BIRC6: variants seen among roughly 807,000 people sequenced by gnomAD.
BIRC6 encodes baculoviral IAP repeat containing 6.
Under a neutral mutation model 503.3 loss-of-function variants are expected in BIRC6, and 98 were observed. That is an observed-to-expected ratio of 0.19 (90% CI 0.17 to 0.23). BIRC6 has a LOEUF of 0.23. Among genes scored for constraint, BIRC6 ranks in the 10% least tolerant of loss-of-function variants. The pLI is 1.00. For missense variants in BIRC6, 5,360 were observed against 5,806.0 expected, an observed-to-expected ratio of 0.92 and a Z score of 2.50; for synonymous variants, 2,240 against 2,078.7, an observed-to-expected ratio of 1.08 and a Z score of -2.11.
chr2:32,569,250 A>G (rs961614025), intron 65 of BIRC6, among the ~76,000 whole-genome samples: 2 of 152,074 alleles, frequency 1.3e-5, no homozygotes, highest in African/African-American at 4.8e-5. Flanking sequence ...CAGCCTCCCA[A>G]AGTGCCGAGA....
chr2:32,504,034 T>TGTGTGTGTGTG (rs2053513911), intron 49 of BIRC6, among the ~76,000 whole-genome samples: 1 of 78,228 alleles, frequency 1.3e-5, no homozygotes, highest in African/African-American at 5.3e-5. Context: ...GGGGGGGTGT[T>TGTGTGTGTGTG]TGTGTGTGTG....
chr2:32,493,859 T>G (rs1327462240), intron 45 of BIRC6, among the ~76,000 whole-genome samples, 192 bp downstream of exon 45: 1 of 152,202 alleles, frequency 6.6e-6, no homozygotes, highest in African/African-American at 2.4e-5. Flanking sequence ...TTTTCTCAAG[T>G]CCTTATACCT....
intron 8 of BIRC6, 99 bp from the exon 9 acceptor site, chr2:32,406,400 A>G: frequency 1.1e-6 from 1 of 885,442 alleles, no homozygotes; most frequent in Admixed American, 2.3e-5. Context: ...CCCTGTCTCA[A>G]AAAAACCCAC....
intron 50 of BIRC6, among the ~76,000 whole-genome samples, chr2:32,506,194 A>C: frequency 6.6e-6 from 1 of 152,122 alleles, no homozygotes; most frequent in Non-Finnish European, 1.5e-5. Context: ...TATAGTTATA[A>C]TTTTGCCAGA....
rs370651928 is a variant in BIRC6 at position 32,442,070 on chromosome 2, A to G, written c.3950A>G (p.Gln1317Arg). The G allele has an allele frequency of 2.5e-6, 4 of 1,571,992 alleles. No homozygotes were observed. Among genetic ancestry groups the G allele is most frequent in the Non-Finnish European group, 3.4e-6 (4 of 1,164,988 alleles). Residue 1317 changes from glutamine (Q) to arginine (R), a missense_variant, in exon 18 of 74, where the codon CAA becomes CGA. By Grantham distance (43) the Gln-to-Arg change is conservative. Around this residue, in one of 16 missense-constraint regions of BIRC6, gnomAD observed 2,299 missense variants for 2,267.2 expected, o/e 1.01. Coordinates refer to ENST00000421745, the MANE Select transcript of BIRC6 (RefSeq NM_016252.4). ...KKTSISKERV[Q>R]RCAMLQFSEF... is the part of the protein sequence containing the mutation. ...TATATTTTCTTTTTTTGTAGAGTGC[A>G]ACGATGTGCCATGTTACAGTTTTCA...
At chr2:32,394,813 G>A (rs1402646589) in intron 5 of BIRC6, among the ~76,000 whole-genome samples, 1 of 152,050 alleles carries the variant, frequency 6.6e-6, no homozygotes, top group African/African-American at 2.4e-5. Flanking sequence ...CTGAGACTCT[G>A]TCTCTTTAAA....
intron 17 of BIRC6, 81 bp from the exon 18 acceptor site, chr2:32,441,984 C>A: frequency 6.8e-6 from 7 of 1,025,808 alleles, no homozygotes; most frequent in South Asian, 2.5e-5. Flanking sequence ...TAAAATTAAA[C>A]ATTGCCTTTC....
At chr2:32,538,312 A>C (rs190568678) in intron 61 of BIRC6, among the ~76,000 whole-genome samples, 1 of 152,196 alleles carries the variant, frequency 6.6e-6, no homozygotes, top group Non-Finnish European at 1.5e-5. Flanking sequence ...GGCATGAACT[A>C]GAATGCTGAA....
At position 32,476,122 on chromosome 2, in the gene BIRC6, A is replaced by G. The variant is rs2049734851; in HGVS notation, c.6721-91A>G. On this transcript the variant is annotated intron_variant, in intron 33 of 73. Transcript: ENST00000421745. ...CATCTTTCAAGATAATGTGCATTCCATTAGTTTGATGTATGAATTCTGTGA... is the reference window on the plus strand; with the variant it reads ...CATCTTTCAAGATAATGTGCATTCCGTTAGTTTGATGTATGAATTCTGTGA... 6.4e-6 allele frequency: 6 copies of G among 933,416 alleles called. No homozygotes were observed. In the Admixed American group the frequency reaches 9.6e-5, roughly 15 times the overall value. 57.8% of individuals were successfully genotyped at this position (933,416 alleles called of 1,614,324 possible).
rs2062874599 is a variant in BIRC6, at chr2:32,611,569, C to G, written c.14381C>G (p.Ala4794Gly). The G allele has an allele frequency of 6.3e-7, 1 of 1,584,600 alleles. No individual in the cohort carries two copies. Among genetic ancestry groups the G allele is most frequent in the Non-Finnish European group, 8.6e-7 (1 of 1,162,536 alleles). Reference protein sequence around the residue: ...KRVGRTMSHHAAALKRHTAQL... With the variant: ...KRVGRTMSHHGAALKRHTAQL... ...GTAGGCAGGACTATGTCTCACCATG[C>G]AGCAGCTCTCAAGGTGAGTAAGCCT... The change falls in exon 73 of 74, where the codon GCA (alanine) becomes GGA (glycine). Residue 4794 changes from alanine to glycine, a missense_variant. Around this residue, in one of 16 missense-constraint regions of BIRC6, gnomAD observed 140 missense variants for 130.2 expected, o/e 1.07. Coordinates refer to ENST00000421745, the MANE Select transcript of BIRC6 (RefSeq NM_016252.4).
chr2:32,507,110 A>T (rs1558920933), intron 50 of BIRC6, among the ~76,000 whole-genome samples: 1 of 152,140 alleles, frequency 6.6e-6, no homozygotes. Flanking sequence ...GATTTTTTAA[A>T]AAAAATCCTG....
intron 6 of BIRC6, among the ~76,000 whole-genome samples, chr2:32,397,082 AGTCT>A (rs2039982729): frequency 6.6e-6 from 1 of 152,176 alleles, no homozygotes; most frequent in South Asian, 2.1e-4. Flanking sequence ...GACTGTGGTC[AGTCT>A]GTCTGTGTTT....
intron 33 of BIRC6, among the ~76,000 whole-genome samples, chr2:32,473,572 C>G (rs1337869168): frequency 2.0e-5 from 3 of 151,974 alleles, no homozygotes; most frequent in Non-Finnish European, 2.9e-5. Flanking sequence ...ATGTAATTCT[C>G]TGTGGCTTTT....
intron 65 of BIRC6, among the ~76,000 whole-genome samples, chr2:32,560,101 T>C (rs1285488498): frequency 6.6e-6 from 1 of 152,206 alleles, no homozygotes; most frequent in African/African-American, 2.4e-5. Context: ...GTCATATGCA[T>C]TAATATAGAA....
rs1166608470 is a variant in BIRC6 at position 32,458,683 on chromosome 2, CTTTTTTTTTTTT to C, written c.4754-4497_4754-4486del. 1.4e-3 allele frequency among the ~76,000 whole-genome samples: 126 copies of C among 89,476 alleles called. 1 individual carries two copies. Among genetic ancestry groups the C allele is most frequent in the African/African-American group, 5.7e-3 (110 of 19,224 alleles). The allele number at this position is 89,476 out of a possible 152,430, so 58.7% of individuals were successfully genotyped here. Reference sequence around the variant, plus strand: ...TGGCCTTTTGTTAATACTCTATTGCCTTTTTTTTTTTTTTTTTTTTTTTTTCTGATACAGAGT... The same window carrying C: ...TGGCCTTTTGTTAATACTCTATTGCCTTTTTTTTTTTTTCTGATACAGAGT... On this transcript the variant is annotated intron_variant, in intron 23 of 73. Coordinates refer to ENST00000421745, the MANE Select transcript of BIRC6 (RefSeq NM_016252.4).
At chr2:32,360,733 A>G (rs1025727242) in intron 1 of BIRC6, among the ~76,000 whole-genome samples, 2 of 151,978 alleles carry the variant, frequency 1.3e-5, no homozygotes, top group Non-Finnish European at 2.9e-5. Context: ...ATTTTGTGGT[A>G]TTTTTTCAAC....
intron 61 of BIRC6, among the ~76,000 whole-genome samples, chr2:32,536,775 A>C (rs1053580252): frequency 1.3e-5 from 2 of 152,062 alleles, no homozygotes; most frequent in Non-Finnish European, 1.5e-5. Context: ...CTTAGGATTG[A>C]CTTGGCAATG....
In BIRC6 at chr2:32,575,171, G is replaced by C; in HGVS notation, c.13160G>C (p.Arg4387Thr). 6.2e-7 allele frequency: 1 copy of C among 1,613,944 alleles called. No individual in the cohort carries two copies. The highest frequency in any genetic ancestry group is 8.5e-7 in the Non-Finnish European group (1 of 1,179,886). Residue 4387 changes from arginine (R) to threonine (T), a missense_variant, in exon 66 of 74, where the codon AGA becomes ACA. This residue lies in a region of BIRC6 where 477 missense variants were observed against 574.4 expected (regional missense o/e 0.83). Transcript: ENST00000421745. The part of the protein sequence containing the change: ...LRNDSVLDMA[R>T]HVPLYRALLE... ...CTCCTTATAGTTCTGGACATGGCAA[G>C]ACATGTGCCACTCTATCGGGCACTG...
At chr2:32,491,638 A>G (rs41280631) in intron 44 of BIRC6, 80 bp downstream of exon 44, 23 of 1,416,046 alleles carry the variant, frequency 1.6e-5, no homozygotes, top group Non-Finnish European at 2.2e-5. Flanking sequence ...TAACTTTTTT[A>G]TTGCTAAAGT....
Sources: gnomAD v4.1 joint callset for allele counts (sites outside exome capture counted in the v4.1 genomes callset) on GRCh38, gnomAD v4.1.1 for gene constraint, gnomAD v4.1.1 regional missense constraint, MANE v1.5 for transcripts, NCBI Gene and HGNC (gene_info 2026-07-23, HGNC 2026-07-21) for gene names.